TXNDC16: variants seen among roughly 807,000 people sequenced by gnomAD.
TXNDC16 encodes the protein thioredoxin domain containing 16.
In TXNDC16, 74 loss-of-function variants were observed where a neutral mutation model predicts 85.6. The ratio of observed to expected loss-of-function variants is 0.86; its 90% CI spans 0.72 to 1.05. The LOEUF (loss-of-function observed/expected upper bound fraction) is 1.05. Among genes scored for constraint, TXNDC16 ranks in the 50% least tolerant of loss-of-function variants. The pLI is 0.00. For synonymous variants in TXNDC16, 335 were observed against 326.5 expected (o/e 1.03, Z -0.28); for missense variants, 959 against 947.0 (o/e 1.01, Z -0.17).
chr14:52,443,428 C>T (rs866104731), intron 18 of TXNDC16, among the ~76,000 whole-genome samples: 4 of 152,114 alleles, frequency 2.6e-5, no homozygotes, highest in Non-Finnish European at 4.4e-5. Context: ...TAGTTCTGTC[C>T]GTCTAGAGAA....
intron 9 of TXNDC16, among the ~76,000 whole-genome samples, chr14:52,502,215 C>G (rs2036675124): frequency 1.3e-5 from 2 of 152,206 alleles, no homozygotes; most frequent in Non-Finnish European, 2.9e-5. Context: ...CTTCTGGAGC[C>G]TCTGCCTGAA....
intron 6 of TXNDC16, among the ~76,000 whole-genome samples, chr14:52,521,444 C>CT (rs1187926194): frequency 1.3e-5 from 2 of 151,324 alleles, no homozygotes; most frequent in Non-Finnish European, 2.9e-5. Flanking sequence ...TTGCAAATAT[C>CT]TTTAATTCGG....
intron 18 of TXNDC16, among the ~76,000 whole-genome samples, chr14:52,446,873 T>C (rs541876084): frequency 2.0e-5 from 3 of 152,092 alleles, no homozygotes; most frequent in Non-Finnish European, 2.9e-5. Context: ...CCTGGCAGCA[T>C]TTATCAACTG....
chr14:52,543,368 G>A, intron 3 of TXNDC16, 30 bp downstream of exon 3: 1 of 1,582,330 alleles, frequency 6.3e-7, no homozygotes, highest in Non-Finnish European at 8.6e-7. Context: ...AACATCACAA[G>A]AATCATATTA....
chr14:52,476,418 T>G (rs906133323), intron 14 of TXNDC16, among the ~76,000 whole-genome samples: 39 of 151,840 alleles, frequency 2.6e-4, no homozygotes, highest in Non-Finnish European at 5.6e-4. Context: ...AAGCCCAATG[T>G]AAGGAAACTG....
chr14:52,473,744 A>G, intron 14 of TXNDC16, among the ~76,000 whole-genome samples: 1 of 152,228 alleles, frequency 6.6e-6, no homozygotes, highest in East Asian at 1.9e-4. Context: ...AGATACAGGT[A>G]TTATGTAAGT....
chr14:52,475,565 A>G (rs2036002331), intron 14 of TXNDC16, among the ~76,000 whole-genome samples: 1 of 151,994 alleles, frequency 6.6e-6, no homozygotes, highest in Non-Finnish European at 1.5e-5. Flanking sequence ...CACTTCCCTG[A>G]CAACCTGCAT....
At chr14:52,474,592 C>T (rs969686580) in intron 14 of TXNDC16, among the ~76,000 whole-genome samples, 10 of 152,158 alleles carry the variant, frequency 6.6e-5, no homozygotes, top group Middle Eastern at 3.4e-3. Flanking sequence ...TAGCCAAGCA[C>T]GGTGGTGCAC....
chr14:52,538,179 T>C (rs145336712), intron 4 of TXNDC16, among the ~76,000 whole-genome samples: 2 of 152,314 alleles, frequency 1.3e-5, no homozygotes, highest in Non-Finnish European at 2.9e-5. Flanking sequence ...GGGCTGAAAC[T>C]CCTAAAAGGC....
chr14:52,542,707 C>T (rs1054604263), intron 3 of TXNDC16, among the ~76,000 whole-genome samples: 13 of 152,064 alleles, frequency 8.5e-5, no homozygotes, highest in African/African-American at 2.4e-4. Context: ...ATAAATGTTT[C>T]GTTTAAACCT....
In TXNDC16 at chr14:52,439,373, T is replaced by C; in HGVS notation, c.2025A>G (p.Arg675=). The C allele has an allele frequency of 4.3e-6, 7 of 1,613,626 alleles. No homozygotes were observed. The highest frequency in any genetic ancestry group is 5.9e-6 in the Non-Finnish European group (7 of 1,179,790). ...GATCAAAATATGCCCTCAAGATTCC[T>C]CTCCCCACTGGAGTATTCTTTCTGC... The part of the protein sequence containing the change: ...WLNLKNTPVG[R]GILRAYFDPL... The change falls in exon 20 of 21, where the codon AGA becomes AGG. Residue 675 remains arginine (R), a synonymous_variant. Coordinates refer to ENST00000281741, the MANE Select transcript of TXNDC16 (RefSeq NM_020784.3).
At chr14:52,551,715 T>C (rs1420117209) in intron 1 of TXNDC16, among the ~76,000 whole-genome samples, 1 of 152,290 alleles carries the variant, frequency 6.6e-6, no homozygotes, top group East Asian at 1.9e-4. Context: ...TCGATCTGAT[T>C]ATTCCTCGGT....
intron 6 of TXNDC16, among the ~76,000 whole-genome samples, chr14:52,531,801 CT>C (rs1056524526): frequency 6.6e-6 from 1 of 152,072 alleles, no homozygotes; most frequent in East Asian, 1.9e-4. Flanking sequence ...AAACTATGTA[CT>C]TTAGTCAATA....
chr14:52,494,270 G>A (rs960052123), intron 9 of TXNDC16, among the ~76,000 whole-genome samples: 6 of 152,032 alleles, frequency 3.9e-5, no homozygotes, highest in Admixed American at 1.3e-4. Flanking sequence ...AGTAGGACCC[G>A]TGGGTAGCCA....
At chr14:52,478,655 G>T (rs1383990020) in intron 14 of TXNDC16, among the ~76,000 whole-genome samples, 1 of 151,978 alleles carries the variant, frequency 6.6e-6, no homozygotes, top group Non-Finnish European at 1.5e-5. Context: ...ATCAACCAGT[G>T]AGATTGAAAT....
At position 52,528,857 on chromosome 14, in the gene TXNDC16, A is replaced by G. The variant is rs552721542; in HGVS notation, c.392+7862T>C. 7.4e-5 allele frequency among the ~76,000 whole-genome samples: 10 copies of G among 134,878 alleles called. No homozygotes were observed. The South Asian group carries it at 9.6e-4, about 13-fold the overall frequency. The allele number at this position is 134,878 out of a possible 152,430, so 88.5% of individuals were successfully genotyped here. A position where few individuals can be genotyped will look rare whatever the true frequency, so the allele number is the denominator to read the frequency against. On this transcript the variant is annotated intron_variant, in intron 6 of 20. Transcript: ENST00000281741. ...TATATATATATATATGTGTGTGTGT[A>G]TATATATAATACCTATTATATATAT...
At position 52,450,880 on chromosome 14, in the gene TXNDC16, TAC is replaced by T. The variant is rs1385420343; in HGVS notation, c.1842+4442_1842+4443del. Among the ~76,000 whole-genome samples the T allele has an allele frequency of 6.8e-4, 77 of 113,578 alleles. 1 individual carries two copies. The East Asian group carries it at 7.2e-3, about 11-fold the overall frequency. The allele number at this position is 113,578 out of a possible 152,430, so 74.5% of individuals were successfully genotyped here. A position where few individuals can be genotyped will look rare whatever the true frequency, so the allele number is the denominator to read the frequency against. On this transcript the variant is annotated intron_variant, in intron 18 of 20. Coordinates refer to ENST00000281741, the MANE Select transcript of TXNDC16 (RefSeq NM_020784.3). ...ATATATATATATATATATATATATA[TAC>T]ACACACACACACATACATATATATA...
At chr14:52,475,793 T>G (rs2036007298) in intron 14 of TXNDC16, among the ~76,000 whole-genome samples, 1 of 152,124 alleles carries the variant, frequency 6.6e-6, no homozygotes, top group Non-Finnish European at 1.5e-5. Flanking sequence ...TCCTGCCTAC[T>G]GCCTGTTCCT....
intron 16 of TXNDC16, among the ~76,000 whole-genome samples, chr14:52,461,654 T>G (rs1244688457): frequency 6.6e-6 from 1 of 152,122 alleles, no homozygotes; most frequent in Admixed American, 6.6e-5. Flanking sequence ...GACAGAGCTG[T>G]GAAGAGGATG....
Sources: allele counts gnomAD v4.1 joint callset (sites outside exome capture counted in the v4.1 genomes callset), GRCh38; gene constraint gnomAD v4.1.1; transcripts MANE v1.5; gene names NCBI Gene and HGNC (gene_info 2026-07-23, HGNC 2026-07-21).